RALY: variants seen among roughly 807,000 people sequenced by gnomAD.
The protein encoded by RALY is RNA-binding protein Raly.
A neutral mutation model predicts 30.7 loss-of-function variants in RALY; 15 were observed. That is an observed-to-expected ratio of 0.49 (90% CI 0.33 to 0.75). RALY has a LOEUF of 0.75. Ranked by LOEUF, RALY falls within the 30% of genes least tolerant of loss-of-function variation. RALY has a pLI of 0.02. For synonymous variants in RALY, 177 were observed against 170.8 expected (o/e 1.04, Z -0.28); for missense variants, 339 against 414.3 (o/e 0.82, Z 1.58).
At chr20:34,043,104 C>T (rs966631526) in intron 2 of RALY, among the ~76,000 whole-genome samples, 3 of 152,234 alleles carry the variant, frequency 2.0e-5, no homozygotes, top group African/African-American at 7.2e-5. Flanking sequence ...CAGTCAGCAG[C>T]CATCAACAAG....
chr20:34,065,603 A>AT (rs1204964746), intron 2 of RALY, among the ~76,000 whole-genome samples: 1 of 152,208 alleles, frequency 6.6e-6, no homozygotes, highest in African/African-American at 2.4e-5. Flanking sequence ...AATGAGATTA[A>AT]TAGATGTTCT....
chr20:34,019,833 G>A (rs528427718), intron 1 of RALY, among the ~76,000 whole-genome samples: 78 of 152,194 alleles, frequency 5.1e-4, no homozygotes, highest in African/African-American at 1.7e-3. Flanking sequence ...AGGCCGAGGC[G>A]GGCGGATCAC....
intron 2 of RALY, among the ~76,000 whole-genome samples, chr20:34,054,854 A>G (rs889744492): frequency 1.1e-4 from 17 of 151,852 alleles, no homozygotes; most frequent in Non-Finnish European, 1.8e-4. Flanking sequence ...AATTGGTTCC[A>G]GTTGTACTTT....
At chr20:34,070,122 C>G (rs747898394) in intron 2 of RALY, among the ~76,000 whole-genome samples, 13 of 152,134 alleles carry the variant, frequency 8.5e-5, no homozygotes, top group Non-Finnish European at 1.8e-4. Context: ...TGTATCTTTT[C>G]CAGTTCACTG....
chr20:34,069,690 GC>G (rs1381906980), intron 2 of RALY, among the ~76,000 whole-genome samples: 1 of 152,210 alleles, frequency 6.6e-6, no homozygotes, highest in Non-Finnish European at 1.5e-5. Context: ...GGAATGGCAA[GC>G]CCATGGGAAA....
At position 34,081,533 on chromosome 20, in the gene RALY, G is replaced by C. The variant is rs770418582; in HGVS notation, c.*1628G>C. The C allele has an allele frequency of 1.3e-5, 2 of 152,196 alleles. No individual in the cohort carries two copies. The highest frequency in any genetic ancestry group is 4.8e-5 in the African/African-American group (2 of 41,434). 9.4% of individuals were successfully genotyped at this position (152,196 alleles called of 1,614,324 possible). A position where few individuals can be genotyped will look rare whatever the true frequency, so the allele number is the denominator to read the frequency against. On this transcript the variant is annotated 3_prime_UTR_variant, in exon 10 of 10. Coordinates refer to ENST00000246194, the MANE Select transcript of RALY (RefSeq NM_016732.3). ...CTTTACGTGTTGATCAAAGTTTGCA[G>C]ATCTGCTGGAATCCTTATTGAAAAC...
At chr20:34,026,646 G>A (rs1330965434) in intron 1 of RALY, among the ~76,000 whole-genome samples, 6 of 151,358 alleles carry the variant, frequency 4.0e-5, no homozygotes, top group East Asian at 1.9e-4. Flanking sequence ...TCCTGATCTC[G>A]TGATCCGCCC....
chr20:34,044,564 C>T (rs1311910177), intron 2 of RALY, among the ~76,000 whole-genome samples: 3 of 152,074 alleles, frequency 2.0e-5, no homozygotes, highest in African/African-American at 7.2e-5. Context: ...AGGTGATCGG[C>T]CGACCTCAGG....
chr20:34,032,411 CAG>C (rs2032318479), intron 2 of RALY, among the ~76,000 whole-genome samples: 1 of 152,230 alleles, frequency 6.6e-6, no homozygotes, highest in African/African-American at 2.4e-5. Flanking sequence ...AAGTGGATGT[CAG>C]GGGAAGCTGA....
At chr20:34,044,375 G>T (rs1339612575) in intron 2 of RALY, among the ~76,000 whole-genome samples, 1 of 151,848 alleles carries the variant, frequency 6.6e-6, no homozygotes, top group Non-Finnish European at 1.5e-5. Context: ...GCCCAGACCG[G>T]AATGGCAATG....
chr20:34,053,383 ATTTTTTTTTTTTTTTTTTTTTT>A, intron 2 of RALY, among the ~76,000 whole-genome samples: 1 of 54,098 alleles, frequency 1.8e-5, no homozygotes, highest in Non-Finnish European at 3.2e-5. Flanking sequence ...ATGTTCAATA[ATTTTTTTTTTTTTTTTTTTTTT>A]TTTTTTTTTT....
chr20:34,021,395 A>G (rs1232146143), intron 1 of RALY, among the ~76,000 whole-genome samples: 6 of 152,186 alleles, frequency 3.9e-5, no homozygotes. Context: ...GGCCGCCCGC[A>G]TCTGGTGAGG....
Position 34,072,128 on chromosome 20 carries a change from C to T in RALY, c.54C>T (p.Ser18=), listed in dbSNP as rs1415960099. The change falls in exon 3 of 10, where the codon TCC becomes TCT. Residue 18 remains serine, a synonymous_variant. Coordinates refer to ENST00000246194, the MANE Select transcript of RALY (RefSeq NM_016732.3). ...TAACCAACAAGAATGACCCCAAGTCCATCAACTCTCGAGTCTTCATTGGAA... is the reference window on the plus strand; with the variant it reads ...TAACCAACAAGAATGACCCCAAGTCTATCAACTCTCGAGTCTTCATTGGAA... ...SNVTNKNDPK[S]INSRVFIGNL... The T allele has an allele frequency of 2.5e-6, 4 of 1,614,248 alleles. No individual in the cohort carries two copies. The highest frequency in any genetic ancestry group is 2.2e-5 in the East Asian group (1 of 44,888).
At chr20:34,007,820 CAAAAAAAA>C (rs10649045) in intron 1 of RALY, among the ~76,000 whole-genome samples, 5 of 101,608 alleles carry the variant, frequency 4.9e-5, no homozygotes, top group African/African-American at 1.4e-4. Flanking sequence ...AACTCCGTCT[CAAAAAAAA>C]AAAAAAAAAA....
At chr20:34,046,813 C>CTTTT (rs61495395) in intron 2 of RALY, among the ~76,000 whole-genome samples, 10 of 72,778 alleles carry the variant, frequency 1.4e-4, no homozygotes, top group South Asian at 5.8e-4. Flanking sequence ...GACCTCCACT[C>CTTTT]TTTTTTTTTT....
chr20:34,054,559 C>T (rs983948256), intron 2 of RALY, among the ~76,000 whole-genome samples: 4 of 152,222 alleles, frequency 2.6e-5, no homozygotes, highest in Admixed American at 2.0e-4. Context: ...GGCATGGTGG[C>T]TCAAGCCTGT....
At chr20:34,076,323 C>A (rs114083554) in intron 6 of RALY, 2 of 517,572 alleles carry the variant, frequency 3.9e-6, no homozygotes, top group Admixed American at 6.5e-5. Context: ...TACCCAGGCC[C>A]ATTACTCCAC....
intron 2 of RALY, among the ~76,000 whole-genome samples, chr20:34,068,097 A>C (rs1376887866): frequency 6.6e-6 from 1 of 152,052 alleles, no homozygotes. Flanking sequence ...AGTCTCTAGG[A>C]ATAAATTTGC....
At chr20:34,072,849 T>C (rs1601508614) in intron 3 of RALY, among the ~76,000 whole-genome samples, 1 of 152,196 alleles carries the variant, frequency 6.6e-6, no homozygotes, top group African/African-American at 2.4e-5. Flanking sequence ...TATCTGTATG[T>C]GTTTTTTCCT....
Sources: gnomAD v4.1 joint callset for allele counts (sites outside exome capture counted in the v4.1 genomes callset) on GRCh38, gnomAD v4.1.1 for gene constraint, MANE v1.5 for transcripts, NCBI Gene and HGNC (gene_info 2026-07-23, HGNC 2026-07-21) for gene names.